The following XKR9 variants were observed in gnomAD, a reference collection of about 807,000 sequenced individuals.
XKR9 encodes XK related 9, also known as XK-related protein 9.
Under a neutral mutation model 32.0 loss-of-function variants are expected in XKR9, and 32 were observed. The ratio of observed to expected loss-of-function variants is 1.00; its 90% CI spans 0.76 to 1.34. XKR9 has a LOEUF of 1.34. Ranked by LOEUF, XKR9 falls within the 40% of genes most tolerant of loss-of-function variation. The pLI, the probability that XKR9 is intolerant of heterozygous loss-of-function variation, is 0.00. For missense variants in XKR9, 546 were observed against 429.7 expected (o/e 1.27, Z -2.39); for synonymous variants, 168 against 143.4 (o/e 1.17, Z -1.22).
the XKR9 span, among the ~76,000 whole-genome samples, chr8:70,844,411 G>A: frequency 1.2e-4 from 19 of 152,282 alleles, no homozygotes; most frequent in South Asian, 8.3e-4. Context: ...CTGCCTGTGT[G>A]TGGCTGCAGT....
At chr8:70,769,370 T>C (rs1807422146) in intron 2 of XKR9, among the ~76,000 whole-genome samples, 1 of 152,080 alleles carries the variant, frequency 6.6e-6, no homozygotes, top group South Asian at 2.1e-4. Flanking sequence ...GCCCTTAACA[T>C]TTTTTTCTTT....
the XKR9 span, among the ~76,000 whole-genome samples, chr8:70,956,917 G>C: frequency 6.6e-6 from 1 of 152,154 alleles, no homozygotes; most frequent in African/African-American, 2.4e-5. Flanking sequence ...TGTTTGGATG[G>C]CTGCAACAGT....
downstream of XKR9, among the ~76,000 whole-genome samples, chr8:70,740,872 C>T (rs912057187): frequency 5.9e-5 from 9 of 152,160 alleles, no homozygotes; most frequent in Non-Finnish European, 8.8e-5. Context: ...GTCAGTCTGC[C>T]CCTCCTGGGG....
the XKR9 span, among the ~76,000 whole-genome samples, chr8:70,975,482 C>A: frequency 6.6e-6 from 1 of 152,158 alleles, no homozygotes; most frequent in Non-Finnish European, 1.5e-5. Flanking sequence ...TTCCCAGCAC[C>A]ATTTATTAAA....
intron 3 of XKR9, among the ~76,000 whole-genome samples, chr8:70,685,821 A>C (rs200442193): frequency 1.2e-4 from 18 of 150,446 alleles, no homozygotes; most frequent in Admixed American, 2.6e-4. Flanking sequence ...CCAGCATGGC[A>C]CATGTATACA....
the XKR9 span, among the ~76,000 whole-genome samples, chr8:70,882,698 T>C: frequency 6.6e-6 from 1 of 152,056 alleles, no homozygotes; most frequent in Non-Finnish European, 1.5e-5. Context: ...CCACTCTACT[T>C]TTCCTATTAT....
chr8:70,878,524 A>G, the XKR9 span, among the ~76,000 whole-genome samples: 1 of 152,202 alleles, frequency 6.6e-6, no homozygotes, highest in African/African-American at 2.4e-5. Flanking sequence ...GATAAAACAG[A>G]CTTTAAACCA....
the XKR9 span, among the ~76,000 whole-genome samples, chr8:70,933,436 G>GT: frequency 0.027 from 3,825 of 143,316 alleles, 72 homozygotes; most frequent in African/African-American, 0.047. Context: ...GGGAAGAACA[G>GT]TTTTTTTTTT....
At chr8:70,984,883 ACAT>A in the XKR9 span, among the ~76,000 whole-genome samples, 1 of 152,236 alleles carries the variant, frequency 6.6e-6, no homozygotes, top group Non-Finnish European at 1.5e-5. Context: ...GTAAAATGTA[ACAT>A]CATGTCATCT....
chr8:70,674,952 A>G (rs1166368983), intron 2 of XKR9, 53 bp downstream of exon 2: 1 of 152,224 alleles, frequency 6.6e-6, no homozygotes, highest in Non-Finnish European at 1.5e-5. Flanking sequence ...AAAGTTTCCT[A>G]GTTTTAATTT....
chr8:70,914,593 G>T, the XKR9 span, among the ~76,000 whole-genome samples: 1 of 151,946 alleles, frequency 6.6e-6, no homozygotes, highest in Non-Finnish European at 1.5e-5. Flanking sequence ...TTATTAATTT[G>T]TAGGATTTCT....
At chr8:70,848,764 CAAAAA>C in the XKR9 span, among the ~76,000 whole-genome samples, 13 of 116,762 alleles carry the variant, frequency 1.1e-4, no homozygotes, top group Non-Finnish European at 1.0e-4. Flanking sequence ...AATGGAATGC[CAAAAA>C]AAAAAAAAAA....
At chr8:70,910,095 G>GAA in the XKR9 span, among the ~76,000 whole-genome samples, 2 of 140,340 alleles carry the variant, frequency 1.4e-5, no homozygotes, top group Non-Finnish European at 3.1e-5. Context: ...ACCCTGTGGG[G>GAA]AAAAAAAAAA....
intron 4 of XKR9, 49 bp from the exon 5 acceptor site, chr8:70,733,742 CTAATA>C: frequency 7.2e-7 from 1 of 1,394,792 alleles, no homozygotes; most frequent in Non-Finnish European, 9.4e-7. Context: ...ATATAGTAAT[CTAATA>C]TTTCTATTAT....
At chr8:71,007,522 C>T in the XKR9 span, among the ~76,000 whole-genome samples, 3 of 151,544 alleles carry the variant, frequency 2.0e-5, no homozygotes, top group Non-Finnish European at 4.4e-5. Flanking sequence ...CTAGAAGAAA[C>T]AAAAACAGTG....
chr8:70,882,014 C>A, the XKR9 span, among the ~76,000 whole-genome samples: 37 of 151,992 alleles, frequency 2.4e-4, 1 homozygote, highest in African/African-American at 8.7e-4. Context: ...ATTGCCAGGA[C>A]AGAAAACCAA....
At chr8:70,794,818 TTC>T (rs1807807897), downstream of XKR9, among the ~76,000 whole-genome samples, 3 of 135,514 alleles carry the variant, frequency 2.2e-5, no homozygotes, top group African/African-American at 5.5e-5. Context: ...GCTTGTAGTC[TTC>T]TTTTGTGTGT....
the XKR9 span, among the ~76,000 whole-genome samples, chr8:70,813,989 C>CAT: frequency 6.6e-6 from 1 of 152,158 alleles, no homozygotes; most frequent in Non-Finnish European, 1.5e-5. Context: ...AAGACACATG[C>CAT]ATACGTATGT....
chr8:70,754,911 T>A (rs868308535), intron 2 of XKR9, among the ~76,000 whole-genome samples: 139 of 152,082 alleles, frequency 9.1e-4, no homozygotes, highest in Non-Finnish European at 1.5e-3. Flanking sequence ...AAATTGACAA[T>A]TGGGATCTAA....
Sources: gnomAD v4.1 joint callset for allele counts (sites outside exome capture counted in the v4.1 genomes callset) on GRCh38, gnomAD v4.1.1 for gene constraint, MANE v1.5 for transcripts, NCBI Gene and HGNC (gene_info 2026-07-23, HGNC 2026-07-21) for gene names.